Variants in HMGB1 observed in about 807,000 individuals in gnomAD.
HMGB1 encodes high mobility group protein B1.
For synonymous variants in HMGB1, 81 were observed against 84.0 expected, an observed-to-expected ratio of 0.96 and a Z score of 0.19; for missense variants, 79 against 253.5, an observed-to-expected ratio of 0.31 and a Z score of 4.67.
intron 1 of HMGB1, among the ~76,000 whole-genome samples, chr13:30,519,878 C>T (rs896743885): frequency 1.2e-4 from 19 of 152,146 alleles, no homozygotes; most frequent in Admixed American, 1.1e-3. Context: ...TTTAATTAAA[C>T]TAAACTATGA....
intron 1 of HMGB1, among the ~76,000 whole-genome samples, chr13:30,558,649 T>C (rs2137521724): frequency 6.6e-6 from 1 of 152,292 alleles, no homozygotes; most frequent in South Asian, 2.1e-4. Context: ...TATGAAACCT[T>C]CCTTTTTCCA....
chr13:30,550,652 CTGTG>C (rs1869385763), intron 1 of HMGB1, among the ~76,000 whole-genome samples: 1 of 152,202 alleles, frequency 6.6e-6, no homozygotes, highest in Non-Finnish European at 1.5e-5. Flanking sequence ...CCTCTTTTGC[CTGTG>C]TGTCTGCAAT....
At chr13:30,601,243 T>C (rs892687897) in intron 1 of HMGB1, among the ~76,000 whole-genome samples, 2 of 152,172 alleles carry the variant, frequency 1.3e-5, no homozygotes, top group African/African-American at 4.8e-5. Context: ...TAAGAAGTAA[T>C]GATAATCCAC....
intron 1 of HMGB1, among the ~76,000 whole-genome samples, chr13:30,592,780 C>A: frequency 6.6e-6 from 1 of 151,058 alleles, no homozygotes; most frequent in East Asian, 2.0e-4. Context: ...ACTTAAAAAA[C>A]ATTTTCCATT....
intron 1 of HMGB1, among the ~76,000 whole-genome samples, chr13:30,538,654 T>C (rs1295469750): frequency 8.3e-4 from 56 of 67,582 alleles, no homozygotes; most frequent in African/African-American, 3.0e-3. Flanking sequence ...TTTCTTTCTT[T>C]CTTTCTTTCC....
At chr13:30,533,432 T>C (rs966326074) in intron 1 of HMGB1, among the ~76,000 whole-genome samples, 1 of 152,220 alleles carries the variant, frequency 6.6e-6, no homozygotes, top group Admixed American at 6.5e-5. Flanking sequence ...AGGTGTGATC[T>C]TGGGTCATTG....
chr13:30,544,096 C>G (rs1387165969), intron 1 of HMGB1, among the ~76,000 whole-genome samples: 1 of 152,216 alleles, frequency 6.6e-6, no homozygotes, highest in Non-Finnish European at 1.5e-5. Context: ...CAGGTGACTG[C>G]CATGTGGGCA....
At chr13:30,542,148 T>C (rs898225221) in intron 1 of HMGB1, 1 of 157,028 alleles carries the variant, frequency 6.4e-6, no homozygotes, top group African/African-American at 2.4e-5. Context: ...GGCTCTTCCA[T>C]GGTCTCCTAC....
rs575638569 is a variant in HMGB1 at position 30,502,058 on chromosome 13, A to C, written c.-14-38364T>G. On this transcript the variant is annotated intron_variant, in intron 1 of 4. Transcript: ENST00000405805. ...GGATTTTTTAAGCCAGGACCCATTC[A>C]GAGTATTCCAAGAATAGTTCTCAAA... Among the ~76,000 whole-genome samples, 3 of 152,348 alleles carry C rather than the reference A, an allele frequency of 2.0e-5. No homozygotes were observed. In the East Asian group the frequency reaches 5.8e-4, roughly 29 times the overall value.
intron 1 of HMGB1, among the ~76,000 whole-genome samples, chr13:30,591,027 CTT>C (rs910554887): frequency 1.4e-4 from 15 of 109,910 alleles, no homozygotes; most frequent in East Asian, 1.0e-3. Context: ...GAGGCAGGGC[CTT>C]TTTTTTTTTT....
At chr13:30,583,636 C>T (rs1016368958) in intron 1 of HMGB1, among the ~76,000 whole-genome samples, 4 of 150,202 alleles carry the variant, frequency 2.7e-5, no homozygotes, top group Admixed American at 6.6e-5. Context: ...GTCAAGAGAT[C>T]GAGACCATCC....
intron 1 of HMGB1, among the ~76,000 whole-genome samples, chr13:30,584,179 G>T (rs1033544045): frequency 6.6e-6 from 1 of 152,238 alleles, no homozygotes; most frequent in South Asian, 2.1e-4. Flanking sequence ...ATAATCTCAT[G>T]CCAACTAAGT....
chr13:30,459,572 G>A lies in HMGB1; in HGVS notation c.*1785C>T, dbSNP rs1051876435. 4.6e-5 allele frequency: 7 copies of A among 152,198 alleles called. No individual in the cohort carries two copies. Among genetic ancestry groups the A allele is most frequent in the Middle Eastern group, 3.4e-3 (1 of 294 alleles). The allele number at this position is 152,198 out of a possible 1,614,324, so 9.4% of individuals were successfully genotyped here. A position where few individuals can be genotyped will look rare whatever the true frequency, so the allele number is the denominator to read the frequency against. On this transcript the variant is annotated 3_prime_UTR_variant, in exon 5 of 5. Transcript: ENST00000341423. ...CTATCACTAACCCTGCTGTTCGCTT[G>A]CATGTATCTTGTTTTTAAAAATCTT...
intron 1 of HMGB1, among the ~76,000 whole-genome samples, chr13:30,575,671 T>G (rs1366267179): frequency 1.3e-5 from 2 of 152,178 alleles, no homozygotes; most frequent in African/African-American, 4.8e-5. Context: ...TGACTTAAAA[T>G]TAATTTTCTA....
chr13:30,461,740 A>C, intron 4 of HMGB1: 29 of 1,298,710 alleles, frequency 2.2e-5, no homozygotes, highest in Non-Finnish European at 2.9e-5. Context: ...TCTATAACTC[A>C]TGAAATGGCA....
chr13:30,541,373 A>G (rs1288941218), intron 1 of HMGB1, among the ~76,000 whole-genome samples: 1 of 152,216 alleles, frequency 6.6e-6, no homozygotes, highest in Non-Finnish European at 1.5e-5. Flanking sequence ...GGGAAGTCTT[A>G]GCATTGATAA....
rs1292576513 is a variant in HMGB1, at chr13:30,589,007, C to CTTTTTTTTTTTTTTT, written c.-15+27649_-15+27663dup. On this transcript the variant is annotated intron_variant, in intron 1 of 4. Coordinates refer to the HMGB1 transcript ENST00000405805. The stretch of plus-strand genomic sequence containing the variant: ...GTAAAGCTGAATGCCTAGTTTACCA[C>CTTTTTTTTTTTTTTT]TTTTTTTTTTTTTTTGAGACGGAGT... Among the ~76,000 whole-genome samples the CTTTTTTTTTTTTTTT allele has an allele frequency of 9.7e-4, 137 of 141,672 alleles. 1 individual carries two copies. The highest frequency in any genetic ancestry group is 3.0e-3 in the African/African-American group (117 of 38,800). 92.9% of individuals were successfully genotyped at this position (141,672 alleles called of 152,430 possible). A position where few individuals can be genotyped will look rare whatever the true frequency, so the allele number is the denominator to read the frequency against.
At chr13:30,505,392 A>G (rs541986854) in intron 1 of HMGB1, among the ~76,000 whole-genome samples, 1 of 151,402 alleles carries the variant, frequency 6.6e-6, no homozygotes, top group Non-Finnish European at 1.5e-5. Context: ...GTTAGCCAGG[A>G]TGGTCTCCAT....
At chr13:30,597,224 A>AT (rs67779002) in intron 1 of HMGB1, among the ~76,000 whole-genome samples, 2 of 39,610 alleles carry the variant, frequency 5.0e-5, no homozygotes, top group Non-Finnish European at 9.2e-5. Context: ...GTGTCCTTAT[A>AT]AAAAAAAGGA....
Sources: allele counts gnomAD v4.1 joint callset (sites outside exome capture counted in the v4.1 genomes callset), GRCh38; gene constraint gnomAD v4.1.1; transcripts MANE v1.5; gene names NCBI Gene and HGNC (gene_info 2026-07-23, HGNC 2026-07-21).